The following STOX1 variants were observed in gnomAD, a reference collection of about 807,000 sequenced individuals.
The protein encoded by STOX1 is storkhead box 1.
Under a neutral mutation model 74.8 loss-of-function variants are expected in STOX1, and 57 were observed. That is an observed-to-expected ratio of 0.76 (90% CI 0.62 to 0.95). The LOEUF is 0.95. Among genes scored for constraint, STOX1 ranks in the 40% least tolerant of loss-of-function variants. The pLI is 0.00. For missense variants in STOX1, 1,010 were observed against 1,117.0 expected, an observed-to-expected ratio of 0.90 and a Z score of 1.37; for synonymous variants, 375 against 401.3, an observed-to-expected ratio of 0.93 and a Z score of 0.78.
chr10:68,831,811 GT>G (rs1450371190), intron 1 of STOX1, among the ~76,000 whole-genome samples: 4 of 152,252 alleles, frequency 2.6e-5, no homozygotes, highest in African/African-American at 9.6e-5. Flanking sequence ...AAGGAAAGTA[GT>G]TCCCAGGCAG....
At chr10:68,846,557 G>A (rs1447496529) in intron 1 of STOX1, among the ~76,000 whole-genome samples, 4 of 152,118 alleles carry the variant, frequency 2.6e-5, no homozygotes, top group Admixed American at 2.0e-4. Context: ...TTGTCAAATA[G>A]CAATTGACCA....
At chr10:68,851,051 GT>G (rs35427737) in intron 1 of STOX1, among the ~76,000 whole-genome samples, 12,385 of 152,046 alleles carry the variant, frequency 0.081, 520 homozygotes, top group Middle Eastern at 0.1. Context: ...GCTCACACCT[GT>G]AATTCCAACA....
rs1216003809 is a variant in STOX1 at position 68,852,370 on chromosome 10, T to C, written c.310+24437T>C. ...GCTTCCCGGGTTCACGCCATTCTCC[T>C]GCCTCAGCCTCCCGAGTAGCTGGGA... On this transcript the variant is annotated intron_variant, in intron 1 of 3. Coordinates refer to ENST00000298596, the MANE Select transcript of STOX1 (RefSeq NM_152709.5). 5.4e-5 allele frequency among the ~76,000 whole-genome samples: 8 copies of C among 147,118 alleles called. No individual in the cohort carries two copies. In the Admixed American group the frequency reaches 5.5e-4, roughly 10 times the overall value.
intron 2 of STOX1, among the ~76,000 whole-genome samples, chr10:68,882,584 G>A (rs1013202484): frequency 1.3e-5 from 2 of 149,690 alleles, no homozygotes; most frequent in Non-Finnish European, 3.0e-5. Context: ...TGCAACTTCC[G>A]CCTCCCCGGG....
At chr10:68,856,761 G>T (rs10998461) in intron 1 of STOX1, among the ~76,000 whole-genome samples, 67,005 of 151,908 alleles carry the variant, frequency 0.44, 15,389 homozygotes, top group Middle Eastern at 0.57. Flanking sequence ...CTCACTGCAA[G>T]GAGACAGCGA....
chr10:68,854,082 G>A (rs547405502), intron 1 of STOX1, among the ~76,000 whole-genome samples: 1 of 151,152 alleles, frequency 6.6e-6, no homozygotes, highest in East Asian at 1.9e-4. Context: ...TGCAACCTTC[G>A]CCTCCCAGGT....
chr10:68,877,173 G>A (rs533286666), intron 1 of STOX1, among the ~76,000 whole-genome samples: 1 of 152,246 alleles, frequency 6.6e-6, no homozygotes, highest in South Asian at 2.1e-4. Context: ...GTCCTCTAAA[G>A]TGAAGTTTAC....
At chr10:68,873,257 A>ATTTTTTTTTTT (rs5785875) in intron 1 of STOX1, among the ~76,000 whole-genome samples, 2 of 105,298 alleles carry the variant, frequency 1.9e-5, no homozygotes, top group Non-Finnish European at 3.7e-5. Flanking sequence ...AAACAAGAGC[A>ATTTTTTTTTTT]TTTTTTTTTT....
intron 1 of STOX1, among the ~76,000 whole-genome samples, chr10:68,874,884 A>G (rs1431086814): frequency 6.6e-6 from 1 of 152,150 alleles, no homozygotes; most frequent in African/African-American, 2.4e-5. Flanking sequence ...CAAGGCAAAC[A>G]CAGAATTGGG....
chr10:68,874,669 A>AC (rs1411164094), intron 1 of STOX1, among the ~76,000 whole-genome samples: 2 of 9,266 alleles, frequency 2.2e-4, no homozygotes, highest in Admixed American at 9.1e-4. Flanking sequence ...TCAAAAAAAA[A>AC]AAAAAAAAAA....
chr10:68,847,630 G>A (rs1006248840), intron 1 of STOX1, among the ~76,000 whole-genome samples: 1 of 151,696 alleles, frequency 6.6e-6, no homozygotes, highest in Non-Finnish European at 1.5e-5. Flanking sequence ...GGCTCATCTC[G>A]AATTCCTGAC....
intron 3 of STOX1, among the ~76,000 whole-genome samples, chr10:68,891,574 C>T (rs1158267248): frequency 2.0e-5 from 3 of 151,956 alleles, no homozygotes; most frequent in South Asian, 2.1e-4. Flanking sequence ...GAGGCTGGAG[C>T]GGGTGGATCA....
At position 68,869,040 on chromosome 10, in the gene STOX1, C is replaced by T. The variant is rs573479213; in HGVS notation, c.311-12918C>T. 2.6e-5 allele frequency among the ~76,000 whole-genome samples: 4 copies of T among 152,320 alleles called. No homozygotes were observed. The South Asian group carries it at 6.2e-4, about 24-fold the overall frequency. On this transcript the variant is annotated intron_variant, in intron 1 of 3. Transcript: ENST00000298596. The stretch of plus-strand genomic sequence containing the variant: ...AACTCCACTATTCCTTTATTTATCC[C>T]GTGCTGCCTTAGTGGCCCAAGGCCC...
At chr10:68,849,940 C>CA (rs1839941942) in intron 1 of STOX1, among the ~76,000 whole-genome samples, 1 of 152,082 alleles carries the variant, frequency 6.6e-6, no homozygotes, top group East Asian at 1.9e-4. Flanking sequence ...AATTGTGGGT[C>CA]ATGTAAAATG....
intron 1 of STOX1, among the ~76,000 whole-genome samples, chr10:68,829,577 GA>G (rs1415397924): frequency 6.6e-6 from 1 of 152,050 alleles, no homozygotes; most frequent in Non-Finnish European, 1.5e-5. Context: ...CCAGGGATTT[GA>G]AAACAGGGCA....
At chr10:68,841,987 C>T (rs998942231) in intron 1 of STOX1, among the ~76,000 whole-genome samples, 5 of 150,734 alleles carry the variant, frequency 3.3e-5, no homozygotes, top group African/African-American at 7.2e-5. Context: ...AAACTACCCA[C>T]GTCCCGCACC....
At chr10:68,888,179 C>T (rs1841012335) in intron 3 of STOX1, among the ~76,000 whole-genome samples, 1 of 152,132 alleles carries the variant, frequency 6.6e-6, no homozygotes, top group African/African-American at 2.4e-5. Flanking sequence ...CAGCTGACTG[C>T]AACCTCCGCC....
downstream of STOX1, among the ~76,000 whole-genome samples, chr10:68,893,327 T>C (rs1056915325): frequency 6.6e-6 from 1 of 152,250 alleles, no homozygotes; most frequent in Non-Finnish European, 1.5e-5. Context: ...AGCTTGGACA[T>C]GAACAAATGG....
intron 3 of STOX1, among the ~76,000 whole-genome samples, chr10:68,891,620 G>A (rs1184296605): frequency 6.6e-6 from 1 of 151,836 alleles, no homozygotes; most frequent in Non-Finnish European, 1.5e-5. Context: ...TGACCAACAT[G>A]GTGAAACCCC....
Sources: gnomAD v4.1 joint callset for allele counts (sites outside exome capture counted in the v4.1 genomes callset) on GRCh38, gnomAD v4.1.1 for gene constraint, MANE v1.5 for transcripts, NCBI Gene and HGNC (gene_info 2026-07-23, HGNC 2026-07-21) for gene names.